SPTBN2: variants seen among roughly 807,000 people sequenced by gnomAD.
SPTBN2 encodes spectrin beta, non-erythrocytic 2.
SPTBN2 carries 107 observed loss-of-function variants against 284.2 expected under a neutral mutation model. The observed-to-expected ratio is 0.38, with a 90% CI of 0.32 to 0.44. The LOEUF (loss-of-function observed/expected upper bound fraction) is 0.44, where lower values mean the gene tolerates loss of function less well. Among genes scored for constraint, SPTBN2 ranks in the 20% least tolerant of loss-of-function variants. SPTBN2 has a pLI of 1.00. For missense variants in SPTBN2, 2,569 were observed against 3,287.1 expected (o/e 0.78, Z 5.34); for synonymous variants, 1,289 against 1,354.8 (o/e 0.95, Z 1.07).
At chr11:66,709,118 T>TAAGA in intron 10 of SPTBN2, 99 bp from the exon 11 acceptor site, 1 of 985,612 alleles carries the variant, frequency 1.0e-6, no homozygotes, top group Non-Finnish European at 1.6e-6. Context: ...CTTTTCTTCT[T>TAAGA]ACAAAAGCAA....
In SPTBN2 at chr11:66,696,538, T is replaced by C; in HGVS notation, c.4017A>G (p.Glu1339=). 1 of 1,611,156 alleles carries C rather than the reference T, an allele frequency of 6.2e-7. No individual in the cohort carries two copies. Among genetic ancestry groups the C allele is most frequent in the South Asian group, 1.1e-5 (1 of 91,084 alleles). ...NKDWLDKVDK[E]GRELTLEKPE... Reference sequence around the variant, plus strand: ...GCTTCTCAAGGGTGAGCTCTCGCCCTTCCTGGAAGGCAGGACAGAAAATGT... The same window carrying C: ...GCTTCTCAAGGGTGAGCTCTCGCCCCTCCTGGAAGGCAGGACAGAAAATGT... Residue 1339 remains glutamate, a splice_region_variant and synonymous_variant, in exon 21 of 38, where the codon GAA becomes GAG. Coordinates refer to ENST00000533211, the MANE Select transcript of SPTBN2 (RefSeq NM_006946.4).
At chr11:66,721,859 A>G (rs1032394981) in intron 1 of SPTBN2, among the ~76,000 whole-genome samples, 13 of 152,116 alleles carry the variant, frequency 8.5e-5, no homozygotes, top group African/African-American at 2.9e-4. Context: ...CAGCCTGACC[A>G]ACATGGTGAA....
chr11:66,716,846 G>A (rs1370748577), intron 3 of SPTBN2, among the ~76,000 whole-genome samples: 1 of 152,218 alleles, frequency 6.6e-6, no homozygotes, highest in Non-Finnish European at 1.5e-5. Context: ...TTCTCTTTTG[G>A]TTGCAGACAA....
intron 1 of SPTBN2, among the ~76,000 whole-genome samples, chr11:66,744,286 TTTTC>T (rs1371229490): frequency 3.9e-5 from 6 of 152,210 alleles, no homozygotes; most frequent in African/African-American, 1.4e-4. Flanking sequence ...TTGGCCGTCT[TTTTC>T]TTTGCTAAGT....
Position 66,688,218 on chromosome 11 carries a change from G to C in SPTBN2, c.6325C>G (p.Pro2109Ala). Reference sequence around the variant, plus strand: ...GTCTGGCCGCCCACCAGGTCCCCTGGAGGCACACTGGCTGTGGGTTCGGGA... The same window carrying C: ...GTCTGGCCGCCCACCAGGTCCCCTGCAGGCACACTGGCTGTGGGTTCGGGA... ...PAPEPTASVP[P>A]GDLVGGQTAS... The change falls in exon 32 of 38, where the codon CCA becomes GCA. Residue 2109 changes from proline to alanine, a missense_variant. Physicochemically the swap from Pro to Ala is conservative, Grantham distance 27 (BLOSUM62 -1). Coordinates refer to ENST00000533211, the MANE Select transcript of SPTBN2 (RefSeq NM_006946.4). The C allele has an allele frequency of 6.2e-7, 1 of 1,613,778 alleles. No homozygotes were observed. Among genetic ancestry groups the C allele is most frequent in the Non-Finnish European group, 8.5e-7 (1 of 1,180,038 alleles).
chr11:66,695,204 G>C (rs967764970), intron 21 of SPTBN2, among the ~76,000 whole-genome samples: 3 of 152,202 alleles, frequency 2.0e-5, no homozygotes, highest in East Asian at 1.9e-4. Flanking sequence ...GGACCAGCAA[G>C]TCCAGCCCAC....
intron 25 of SPTBN2, 67 bp from the exon 26 acceptor site, chr11:66,692,807 T>C: frequency 1.3e-6 from 2 of 1,598,038 alleles, no homozygotes; most frequent in South Asian, 2.2e-5. Context: ...GTCTGTTCTG[T>C]GGAGCCCTGT....
rs267603133 is a variant in SPTBN2, at chr11:66,704,902, G to T, written c.2374C>A (p.Leu792Met). 1.9e-6 allele frequency: 3 copies of T among 1,611,580 alleles called. No individual in the cohort carries two copies. Among genetic ancestry groups the T allele is most frequent in the Admixed American group, 1.7e-5 (1 of 60,002 alleles). Residue 792 changes from leucine to methionine, a missense_variant, in exon 15 of 38, where the codon CTG (leucine) becomes ATG (methionine). Around this residue, in one of 6 missense-constraint regions of SPTBN2, gnomAD observed 1,012 missense variants for 1,248.9 expected, o/e 0.81. Coordinates refer to ENST00000533211, the MANE Select transcript of SPTBN2 (RefSeq NM_006946.4). Reference protein sequence around the residue: ...TQALARQHRALEEEIRSHRPT... With the variant: ...TQALARQHRAMEEEIRSHRPT... ...CGGTGGCTTCGAATCTCCTCCTCCA[G>T]GGCCCGATGCTGCCTGGCTAGAGCC...
At chr11:66,742,132 ACTT>A (rs1361065513) in intron 1 of SPTBN2, among the ~76,000 whole-genome samples, 2 of 152,156 alleles carry the variant, frequency 1.3e-5, no homozygotes, top group African/African-American at 2.4e-5. Flanking sequence ...TATTCATACA[ACTT>A]CTTCTTGGAT....
Position 66,721,383 on chromosome 11 carries a change from G to C in SPTBN2, c.-56C>G. ...CGCTCTCCTTGTGGCCAGAGGCTGCGGTTGGCTGCTCAGTGGAAATCAGCC... is the reference window on the plus strand; with the variant it reads ...CGCTCTCCTTGTGGCCAGAGGCTGCCGTTGGCTGCTCAGTGGAAATCAGCC... On this transcript the variant is annotated 5_prime_UTR_variant, in exon 2 of 38. Coordinates refer to ENST00000533211, the MANE Select transcript of SPTBN2 (RefSeq NM_006946.4). 8.5e-7 allele frequency: 1 copy of C among 1,180,902 alleles called. No individual in the cohort carries two copies. Among genetic ancestry groups the C allele is most frequent in the Non-Finnish European group, 1.2e-6 (1 of 805,948 alleles). 73.2% of individuals were successfully genotyped at this position (1,180,902 alleles called of 1,614,324 possible). A position where few individuals can be genotyped will look rare whatever the true frequency, so the allele number is the denominator to read the frequency against.
rs1463309417 is a variant in SPTBN2 at position 66,700,442 on chromosome 11, T to C, written c.3573+84A>G. ...GCTGCCCCATTTTGCTAGCATGTCC[T>C]TCCTGCCCATCCTGCTCCTTCACAT... On this transcript the variant is annotated intron_variant, in intron 17 of 37. Transcript: ENST00000533211. This position sits in a 1 kb window ranked among gnomAD's most constrained non-coding sequence, Gnocchi z 6.6. 12 of 1,584,334 alleles carry C rather than the reference T, an allele frequency of 7.6e-6. No individual in the cohort carries two copies. Among genetic ancestry groups the C allele is most frequent in the Non-Finnish European group, 1.0e-5 (12 of 1,169,322 alleles).
At chr11:66,690,310 C>A (rs1383752945) in intron 27 of SPTBN2, 27 bp from the exon 28 acceptor site, 1 of 1,580,354 alleles carries the variant, frequency 6.3e-7, no homozygotes, top group Admixed American at 1.8e-5. Flanking sequence ...CAGAGTCAGG[C>A]AGAGCGGGGG....
Position 66,715,607 on chromosome 11 carries a change from GGAAAA to G in SPTBN2, c.310-217_310-213del, listed in dbSNP as rs1382185233. On this transcript the variant is annotated intron_variant, in intron 4 of 37. Coordinates refer to ENST00000533211, the MANE Select transcript of SPTBN2 (RefSeq NM_006946.4). The surrounding 1 kb of genome is among the most constrained non-coding windows in gnomAD (Gnocchi z 5.3). ...GAATTAATTGCACCCAGAGTAGGTG[GGAAAA>G]GAAATGTTTTCAATGGGGCCACTGT... 6.6e-6 allele frequency among the ~76,000 whole-genome samples: 1 copy of G among 152,210 alleles called. No individual in the cohort carries two copies. Among genetic ancestry groups the G allele is most frequent in the African/African-American group, 2.4e-5 (1 of 41,454 alleles).
chr11:66,688,210 G>T lies in SPTBN2; in HGVS notation c.6333C>A (p.Asp2111Glu), dbSNP rs1385299558. 6.2e-7 allele frequency: 1 copy of T among 1,613,554 alleles called. No individual in the cohort carries two copies. Among genetic ancestry groups the T allele is most frequent in the East Asian group, 2.2e-5 (1 of 44,868 alleles). The change falls in exon 32 of 38, where the codon GAC becomes GAA. Residue 2111 changes from aspartate (D) to glutamate (E), a missense_variant. Transcript: ENST00000533211. ...CAGAAGCTGTCTGGCCGCCCACCAG[G>T]TCCCCTGGAGGCACACTGGCTGTGG... is the stretch of plus-strand genomic sequence containing the variant. ...PEPTASVPPG[D>E]LVGGQTASDT...
At chr11:66,698,811 T>C (rs1371454419) in intron 19 of SPTBN2, 26 bp from the exon 20 acceptor site, 2 of 1,612,206 alleles carry the variant, frequency 1.2e-6, no homozygotes, top group Non-Finnish European at 1.7e-6. Flanking sequence ...AACAGGGACA[T>C]TTCCAAGGGA....
In SPTBN2 at chr11:66,715,434, G is replaced by A. The variant is rs1942093268; in HGVS notation, c.310-39C>T. ...GGGGCAAAATGGCACGGGACTGTGG[G>A]CTTCCACCTTCTTCCCCAGCCTTCA... On this transcript the variant is annotated intron_variant, in intron 4 of 37. Transcript: ENST00000533211. This position sits in a 1 kb window ranked among gnomAD's most constrained non-coding sequence, Gnocchi z 5.3. 6.3e-7 allele frequency: 1 copy of A among 1,584,330 alleles called. No individual in the cohort carries two copies. The highest frequency in any genetic ancestry group is 8.6e-7 in the Non-Finnish European group (1 of 1,162,364).
In SPTBN2 at chr11:66,691,560, A is replaced by C; in HGVS notation, c.5289T>G (p.Ala1763=). Residue 1763 remains alanine (A), a synonymous_variant, in exon 27 of 38, where the codon GCT becomes GCG. Transcript: ENST00000533211. This position sits in a 1 kb window ranked among gnomAD's most constrained non-coding sequence, Gnocchi z 8.0. ...CGGTGGCCCGTGCAGCATGGCCCCC[A>C]GCAATGAGCCCATTGGCCAGCGCAT... ...SANALANGLI[A]GGHAARATVA... 1.9e-6 allele frequency: 3 copies of C among 1,613,568 alleles called. No homozygotes were observed. The highest frequency in any genetic ancestry group is 2.5e-6 in the Non-Finnish European group (3 of 1,180,032).
chr11:66,693,722 T>G lies in SPTBN2; in HGVS notation c.4593+50A>C. On this transcript the variant is annotated intron_variant, in intron 23 of 37. Transcript: ENST00000533211. The surrounding 1 kb of genome is among the most constrained non-coding windows in gnomAD (Gnocchi z 5.7). ...GGTCTTAAGAAAAAACACGTCCAAG[T>G]CTGGGCAGGCTCCTGGGAACTTCTC... The G allele has an allele frequency of 6.4e-7, 1 of 1,555,452 alleles. No homozygotes were observed. Among genetic ancestry groups the G allele is most frequent in the African/African-American group, 1.4e-5 (1 of 73,802 alleles).
In SPTBN2 at chr11:66,701,187, T is replaced by C. The variant is rs1444544790; in HGVS notation, c.2912A>G (p.Gln971Arg). The C allele has an allele frequency of 8.7e-6, 14 of 1,613,062 alleles. No individual in the cohort carries two copies. The highest frequency in any genetic ancestry group is 3.3e-5 in the Admixed American group (2 of 60,008). ...QNYHLECTET[Q>R]AWMREKTKVI... Reference sequence around the variant, plus strand: ...TTTGGTCTTCTCTCTCATCCAGGCCTGGGTCTCCGTGCACTCTAAGTGGTA... The same window carrying C: ...TTTGGTCTTCTCTCTCATCCAGGCCCGGGTCTCCGTGCACTCTAAGTGGTA... The change falls in exon 17 of 38, where the codon CAG (glutamine) becomes CGG (arginine). Residue 971 changes from glutamine (Q) to arginine (R), a missense_variant. Physicochemically the swap from Gln to Arg is conservative, Grantham distance 43 (BLOSUM62 1). Transcript: ENST00000533211.
Sources: allele counts gnomAD v4.1 joint callset (sites outside exome capture counted in the v4.1 genomes callset), GRCh38; gene constraint gnomAD v4.1.1; regional missense constraint gnomAD v4.1.1; non-coding constraint Gnocchi (gnomAD v3.1); transcripts MANE v1.5; gene names NCBI Gene and HGNC (gene_info 2026-07-23, HGNC 2026-07-21).